Variants in KIAA0232 observed in about 807,000 individuals in gnomAD.
KIAA0232 encodes the protein uncharacterized protein KIAA0232.
In KIAA0232, 27 loss-of-function variants were observed where a neutral mutation model predicts 122.0. The observed-to-expected ratio is 0.22, with a 90% CI of 0.16 to 0.31. The LOEUF (loss-of-function observed/expected upper bound fraction) is 0.31. Among genes scored for constraint, KIAA0232 ranks in the 10% least tolerant of loss-of-function variants. The pLI, the probability that KIAA0232 is intolerant of heterozygous loss-of-function variation, is 1.00. For synonymous variants in KIAA0232, 613 were observed against 587.6 expected, an observed-to-expected ratio of 1.04 and a Z score of -0.63; for missense variants, 1,551 against 1,634.2, an observed-to-expected ratio of 0.95 and a Z score of 0.88.
At chr4:6,802,084 A>G (rs1480254824) in intron 1 of KIAA0232, among the ~76,000 whole-genome samples, 1 of 152,164 alleles carries the variant, frequency 6.6e-6, no homozygotes, top group Non-Finnish European at 1.5e-5. Context: ...TTGGGAAGCA[A>G]ATGCAGACAA....
At chr4:6,824,763 A>G (rs962564859) in intron 3 of KIAA0232, 79 bp downstream of exon 3, 8 of 1,177,558 alleles carry the variant, frequency 6.8e-6, no homozygotes, top group Non-Finnish European at 8.6e-6. Context: ...GCACTTTTAT[A>G]CTTTAAAACT....
intron 1 of KIAA0232, among the ~76,000 whole-genome samples, chr4:6,783,195 C>T (rs927208307): frequency 3.3e-5 from 5 of 152,092 alleles, no homozygotes; most frequent in Non-Finnish European, 7.4e-5. Context: ...CGGGGCCAGC[C>T]GAGGGAGGCC....
At chr4:6,845,276 C>T (rs992158571) in intron 4 of KIAA0232, among the ~76,000 whole-genome samples, 1 of 152,224 alleles carries the variant, frequency 6.6e-6, no homozygotes, top group Non-Finnish European at 1.5e-5. Context: ...TTCATCACTT[C>T]AGCAGGGGCT....
At position 6,875,176 on chromosome 4, in the gene KIAA0232, G is replaced by A. The variant is rs931016524; in HGVS notation, c.3911-1484G>A. On this transcript the variant is annotated intron_variant, in intron 8 of 9. Coordinates refer to ENST00000307659, the MANE Select transcript of KIAA0232 (RefSeq NM_014743.3). ...TCCCCAGCCGCCCTAGGGCAACCAC[G>A]CCTCCAAGCCTATGGCTTTGATAAG... Among the ~76,000 whole-genome samples, 4 of 152,318 alleles carry A rather than the reference G, an allele frequency of 2.6e-5. No homozygotes were observed. The South Asian group carries it at 6.2e-4, about 24-fold the overall frequency.
intron 1 of KIAA0232, among the ~76,000 whole-genome samples, chr4:6,785,833 C>T (rs904048232): frequency 1.3e-5 from 2 of 152,222 alleles, no homozygotes; most frequent in Non-Finnish European, 2.9e-5. Context: ...GTCCCCTTTC[C>T]ACACTGTCCA....
In KIAA0232 at chr4:6,861,440, G is replaced by A; in HGVS notation, c.1058G>A (p.Ser353Asn). 6.2e-7 allele frequency: 1 copy of A among 1,614,224 alleles called. No homozygotes were observed. Among genetic ancestry groups the A allele is most frequent in the Non-Finnish European group, 8.5e-7 (1 of 1,180,036 alleles). The change falls in exon 7 of 10, where the codon AGT becomes AAT. Residue 353 changes from serine (S) to asparagine (N), a missense_variant. Coordinates refer to ENST00000307659, the MANE Select transcript of KIAA0232 (RefSeq NM_014743.3). ...ERNIHTGSSS[S>N]SSSGSVKQLC... is the part of the protein sequence containing the mutation. ...AACATTCATACTGGAAGTAGTAGCAGTAGCAGCAGTGGTTCTGTCAAACAG... is the reference window on the plus strand; with the variant it reads ...AACATTCATACTGGAAGTAGTAGCAATAGCAGCAGTGGTTCTGTCAAACAG...
intron 3 of KIAA0232, among the ~76,000 whole-genome samples, chr4:6,840,768 T>C (rs2109130547): frequency 6.6e-6 from 1 of 151,134 alleles, no homozygotes; most frequent in East Asian, 2.0e-4. Flanking sequence ...TCCACCCACC[T>C]CTGCCTCCCA....
chr4:6,865,871 G>T (rs1196344003), intron 7 of KIAA0232, among the ~76,000 whole-genome samples: 2 of 152,046 alleles, frequency 1.3e-5, no homozygotes, highest in East Asian at 3.9e-4. Flanking sequence ...GCCTCTTTTT[G>T]ATTGCATTTT....
intron 2 of KIAA0232, among the ~76,000 whole-genome samples, chr4:6,816,533 C>T (rs867185512): frequency 4.6e-5 from 7 of 152,246 alleles, no homozygotes; most frequent in Middle Eastern, 3.4e-3. Context: ...CCACCCGCCT[C>T]GGCCTCCCAA....
chr4:6,842,174 T>C lies in KIAA0232; in HGVS notation c.339T>C (p.Ala113=). The C allele has an allele frequency of 6.2e-7, 1 of 1,606,414 alleles. No individual in the cohort carries two copies. The highest frequency in any genetic ancestry group is 2.3e-5 in the East Asian group (1 of 44,100). The part of the protein sequence containing the change: ...LTLEEMKKQA[A]VQCLRSASDE... ...TAGAAGAAATGAAAAAACAGGCTGC[T>C]GTCCAGTGTCTTCGATCTGCTTCTG... The change falls in exon 4 of 10, where the codon GCT becomes GCC. Residue 113 remains alanine (A), a synonymous_variant. Coordinates refer to ENST00000307659, the MANE Select transcript of KIAA0232 (RefSeq NM_014743.3).
chr4:6,811,747 A>ATTTTT (rs10709832), intron 2 of KIAA0232, among the ~76,000 whole-genome samples: 8 of 103,928 alleles, frequency 7.7e-5, no homozygotes, highest in Admixed American at 2.0e-4. Context: ...GCCTGGCCTA[A>ATTTTT]TTTTTTTTTT....
chr4:6,786,140 A>G (rs537649367), intron 1 of KIAA0232, among the ~76,000 whole-genome samples: 6 of 152,340 alleles, frequency 3.9e-5, no homozygotes, highest in African/African-American at 1.2e-4. Flanking sequence ...TTTTGCCCCC[A>G]ACACCTTGCT....
At chr4:6,799,780 C>T (rs539880373) in intron 1 of KIAA0232, among the ~76,000 whole-genome samples, 6 of 152,004 alleles carry the variant, frequency 3.9e-5, no homozygotes, top group Admixed American at 6.5e-5. Context: ...CTGCAACCTC[C>T]GCCTCCTGGG....
chr4:6,843,927 C>CTTTTTTTT lies in KIAA0232; in HGVS notation c.369+1748_369+1755dup, dbSNP rs373793407. Among the ~76,000 whole-genome samples, 67 of 46,354 alleles carry CTTTTTTTT rather than the reference C, an allele frequency of 1.4e-3. 10 individuals are homozygous for CTTTTTTTT. Among genetic ancestry groups the CTTTTTTTT allele is most frequent in the African/African-American group, 2.8e-3 (41 of 14,674 alleles). The allele number at this position is 46,354 out of a possible 152,430, so 30.4% of individuals were successfully genotyped here. Reference sequence around the variant, plus strand: ...GGCGCAAGGACCGTGAGTTACCCATCTTTTTTTTTTTTTTTTTTTTTTTTT... The same window carrying CTTTTTTTT: ...GGCGCAAGGACCGTGAGTTACCCATCTTTTTTTTTTTTTTTTTTTTTTTTTTTTTTTTT... On this transcript the variant is annotated intron_variant, in intron 4 of 9. Transcript: ENST00000307659.
intron 1 of KIAA0232, among the ~76,000 whole-genome samples, chr4:6,786,164 A>G (rs1167590371): frequency 5.3e-5 from 8 of 152,258 alleles, no homozygotes; most frequent in South Asian, 2.1e-4. Flanking sequence ...GCGTTTAAAC[A>G]TAAGTGCTTA....
chr4:6,861,153 C>T lies in KIAA0232; in HGVS notation c.771C>T (p.Asn257=). ...TQSKSKNEKE[N]KFSNGTIEEK... ...GCAAAAGCAAAAACGAGAAGGAAAA[C>T]AAATTTAGTAATGGCACAATTGAAG... is the stretch of plus-strand genomic sequence containing the variant. Residue 257 remains asparagine, a synonymous_variant, in exon 7 of 10, where the codon AAC becomes AAT. Transcript: ENST00000307659. 2 of 1,614,134 alleles carry T rather than the reference C, an allele frequency of 1.2e-6. No individual in the cohort carries two copies. The highest frequency in any genetic ancestry group is 2.2e-5 in the South Asian group (2 of 91,082).
At chr4:6,848,845 C>T (rs1720117384) in intron 4 of KIAA0232, among the ~76,000 whole-genome samples, 1 of 152,166 alleles carries the variant, frequency 6.6e-6, no homozygotes, top group Non-Finnish European at 1.5e-5. Flanking sequence ...GACCAGAACC[C>T]CCTGGGAAGA....
intron 3 of KIAA0232, among the ~76,000 whole-genome samples, chr4:6,838,679 C>T (rs1386783606): frequency 6.7e-6 from 1 of 150,150 alleles, no homozygotes; most frequent in Non-Finnish European, 1.5e-5. Flanking sequence ...CAGTAGTTAC[C>T]TGTGAGGATT....
chr4:6,815,547 T>A lies in KIAA0232; in HGVS notation c.-269-8638T>A, dbSNP rs142704277. Among the ~76,000 whole-genome samples the A allele has an allele frequency of 4.1e-4, 62 of 152,318 alleles. No individual in the cohort carries two copies. The East Asian group carries it at 0.011, about 27-fold the overall frequency. On this transcript the variant is annotated intron_variant, in intron 2 of 9. Coordinates refer to ENST00000307659, the MANE Select transcript of KIAA0232 (RefSeq NM_014743.3). The stretch of plus-strand genomic sequence containing the variant: ...CTCTTTAGCTCCAAGAACATTTAGA[T>A]CTGTCATTATGGTACAGGAAGAAGC...
Sources: gnomAD v4.1 joint callset for allele counts (sites outside exome capture counted in the v4.1 genomes callset) on GRCh38, gnomAD v4.1.1 for gene constraint, MANE v1.5 for transcripts, NCBI Gene and HGNC (gene_info 2026-07-23, HGNC 2026-07-21) for gene names.